CCN4: variants seen among roughly 807,000 people sequenced by gnomAD.
The protein encoded by CCN4 is CCN family member 4.
CCN4 carries 30 observed loss-of-function variants against 36.7 expected under a neutral mutation model. The ratio of observed to expected loss-of-function variants is 0.82; its 90% CI spans 0.61 to 1.11. The LOEUF (loss-of-function observed/expected upper bound fraction) is 1.11, where lower values mean the gene tolerates loss of function less well. Ranked by LOEUF, CCN4 falls within the 50% of genes least tolerant of loss-of-function variation. The pLI, the probability that CCN4 is intolerant of heterozygous loss-of-function variation, is 0.00. For synonymous variants in CCN4, 191 were observed against 195.4 expected (o/e 0.98, Z 0.19); for missense variants, 505 against 504.9 (o/e 1.00, Z 0.00).
chr8:133,194,319 ATGTGTGTGCCTG>A (rs1853231958), intron 1 of CCN4, among the ~76,000 whole-genome samples: 1 of 43,146 alleles, frequency 2.3e-5, no homozygotes, highest in South Asian at 8.2e-4. Context: ...GTGTGTGTGT[ATGTGTGTGCCTG>A]TGTGGTGTGT....
chr8:133,216,828 G>A (rs1169002471), intron 2 of CCN4, among the ~76,000 whole-genome samples: 2 of 152,208 alleles, frequency 1.3e-5, no homozygotes, highest in African/African-American at 2.4e-5. Flanking sequence ...CATGCTTGTT[G>A]CAAAATAAAT....
At chr8:133,222,554 C>T (rs947581882) in intron 3 of CCN4, among the ~76,000 whole-genome samples, 2 of 151,430 alleles carry the variant, frequency 1.3e-5, no homozygotes, top group Admixed American at 6.6e-5. Context: ...CTGAGGGTAA[C>T]ATCCACAGTG....
intron 2 of CCN4, 113 bp from the exon 3 acceptor site, chr8:133,220,468 C>G (rs1417111176): frequency 1.2e-5 from 18 of 1,468,854 alleles, no homozygotes; most frequent in Non-Finnish European, 1.7e-5. Flanking sequence ...CTCCTCCATG[C>G]TGGGAGCCAT....
intron 1 of CCN4, among the ~76,000 whole-genome samples, chr8:133,198,796 C>CT (rs1316732197): frequency 3.9e-5 from 6 of 152,236 alleles, no homozygotes; most frequent in Admixed American, 3.9e-4. Flanking sequence ...CCTCCTCCCC[C>CT]TACCCTCCTG....
chr8:133,198,826 GC>G (rs1278494744), intron 1 of CCN4, among the ~76,000 whole-genome samples: 3 of 152,042 alleles, frequency 2.0e-5, no homozygotes, highest in African/African-American at 7.2e-5. Context: ...GCCCTTTGTC[GC>G]TTCCTGACCA....
chr8:133,225,684 G>A, intron 4 of CCN4, 101 bp downstream of exon 4: 1 of 1,250,384 alleles, frequency 8.0e-7, no homozygotes, highest in Non-Finnish European at 1.1e-6. Flanking sequence ...TTGTAAAGTG[G>A]GAATAGTTAA....
intron 2 of CCN4, among the ~76,000 whole-genome samples, chr8:133,213,665 T>A (rs1459021771): frequency 6.7e-6 from 1 of 148,996 alleles, no homozygotes; most frequent in East Asian, 1.9e-4. Context: ...AGTTATTTCT[T>A]CTGAAATATA....
chr8:133,228,846 T>G lies in CCN4; in HGVS notation c.*1136T>G, dbSNP rs1200830983. ...AGAGACTCATTTCACAGCCTTTCGT[T>G]CTGCTGACCAAATGGCCAGTTTTCT... On this transcript the variant is annotated 3_prime_UTR_variant, in exon 5 of 5. Transcript: ENST00000250160. The G allele has an allele frequency of 6.6e-6, 1 of 152,146 alleles. No individual in the cohort carries two copies. Among genetic ancestry groups the G allele is most frequent in the Non-Finnish European group, 1.5e-5 (1 of 68,038 alleles). 9.4% of individuals were successfully genotyped at this position (152,146 alleles called of 1,614,324 possible).
chr8:133,225,111 C>T (rs144532674), intron 3 of CCN4, among the ~76,000 whole-genome samples: 281 of 152,252 alleles, frequency 1.8e-3, no homozygotes, highest in Non-Finnish European at 3.1e-3. Flanking sequence ...GGTGGTAGAG[C>T]AGAATTTGAA....
intron 2 of CCN4, 93 bp from the exon 3 acceptor site, chr8:133,220,488 T>TGG: frequency 6.5e-7 from 1 of 1,529,048 alleles, no homozygotes; most frequent in South Asian, 1.2e-5. Flanking sequence ...TCCCCGGGAT[T>TGG]GGGGCATGGT....
intron 1 of CCN4, among the ~76,000 whole-genome samples, chr8:133,194,907 C>CGTGT (rs1853312234): frequency 2.1e-5 from 2 of 95,760 alleles, no homozygotes; most frequent in Admixed American, 1.2e-4. Flanking sequence ...GGTGTGTGTA[C>CGTGT]TGAGTGTGTA....
intron 2 of CCN4, among the ~76,000 whole-genome samples, chr8:133,215,988 C>T (rs1226996394): frequency 6.6e-6 from 1 of 151,280 alleles, no homozygotes; most frequent in African/African-American, 2.4e-5. Context: ...TTACACTACA[C>T]ACACACACAC....
At chr8:133,200,888 T>C (rs1853565238) in intron 1 of CCN4, among the ~76,000 whole-genome samples, 1 of 152,190 alleles carries the variant, frequency 6.6e-6, no homozygotes, top group Non-Finnish European at 1.5e-5. Context: ...GCCACGTTGC[T>C]TCTGCCTGCA....
chr8:133,203,710 T>C (rs1271979800), intron 1 of CCN4, among the ~76,000 whole-genome samples: 2 of 152,146 alleles, frequency 1.3e-5, no homozygotes, highest in African/African-American at 4.8e-5. Flanking sequence ...GACGTGCCCT[T>C]TCTGCAAATT....
rs925051954 is a variant in CCN4, at chr8:133,230,112, T to C, written c.*2402T>C. The C allele has an allele frequency of 6.6e-6, 1 of 152,236 alleles. No homozygotes were observed. Among genetic ancestry groups the C allele is most frequent in the Non-Finnish European group, 1.5e-5 (1 of 68,046 alleles). The allele number at this position is 152,236 out of a possible 1,614,324, so 9.4% of individuals were successfully genotyped here. ...AAGTCTGGTTGGAGAAACTAGGGAT[T>C]ATTCTGGCAATGGGTGCAGGAAGGT... is the stretch of plus-strand genomic sequence containing the variant. On this transcript the variant is annotated 3_prime_UTR_variant, in exon 5 of 5. Transcript: ENST00000250160.
At chr8:133,204,052 T>C (rs1853680239) in intron 1 of CCN4, among the ~76,000 whole-genome samples, 1 of 152,196 alleles carries the variant, frequency 6.6e-6, no homozygotes, top group Non-Finnish European at 1.5e-5. Flanking sequence ...CCAATTTTAA[T>C]CAGCTTAAGT....
At chr8:133,212,205 A>G (rs149626333) in intron 1 of CCN4, among the ~76,000 whole-genome samples, 1 of 152,242 alleles carries the variant, frequency 6.6e-6, no homozygotes, top group South Asian at 2.1e-4. Context: ...GGGCTCCTCC[A>G]TGTAGGGCTT....
chr8:133,192,797 C>T (rs758470620), intron 1 of CCN4, among the ~76,000 whole-genome samples: 84 of 152,196 alleles, frequency 5.5e-4, no homozygotes, highest in Non-Finnish European at 9.3e-4. Flanking sequence ...AGTCCAAGTA[C>T]TCTGGAGCCC....
In CCN4 at chr8:133,227,882, C is replaced by A; in HGVS notation, c.*172C>A. The A allele has an allele frequency of 1.4e-6, 1 of 717,296 alleles. No individual in the cohort carries two copies. Among genetic ancestry groups the A allele is most frequent in the Non-Finnish European group, 2.2e-6 (1 of 448,398 alleles). 44.4% of individuals were successfully genotyped at this position (717,296 alleles called of 1,614,324 possible). A position where few individuals can be genotyped will look rare whatever the true frequency, so the allele number is the denominator to read the frequency against. ...CCTGATGGTGCTGCTCAGGCCCATGCTATGAGTTTTCTCCTTGATATCATT... is the reference window on the plus strand; with the variant it reads ...CCTGATGGTGCTGCTCAGGCCCATGATATGAGTTTTCTCCTTGATATCATT... On this transcript the variant is annotated 3_prime_UTR_variant, in exon 5 of 5. Coordinates refer to ENST00000250160, the MANE Select transcript of CCN4 (RefSeq NM_003882.4).
Sources: gnomAD v4.1 joint callset for allele counts (sites outside exome capture counted in the v4.1 genomes callset) on GRCh38, gnomAD v4.1.1 for gene constraint, MANE v1.5 for transcripts, NCBI Gene and HGNC (gene_info 2026-07-23, HGNC 2026-07-21) for gene names.